ARHGEF10L: variants seen among roughly 807,000 people sequenced by gnomAD.
ARHGEF10L encodes Rho guanine nucleotide exchange factor 10 like, also known as rho guanine nucleotide exchange factor 10-like protein.
A neutral mutation model predicts 141.2 loss-of-function variants in ARHGEF10L; 69 were observed. The observed-to-expected ratio is 0.49, with a 90% CI of 0.40 to 0.60. ARHGEF10L has a LOEUF of 0.60. Ranked by LOEUF, ARHGEF10L falls within the 20% of genes least tolerant of loss-of-function variation. ARHGEF10L has a pLI of 0.00. For missense variants in ARHGEF10L, 1,482 were observed against 1,734.3 expected, an observed-to-expected ratio of 0.85 and a Z score of 2.58; for synonymous variants, 711 against 718.5, an observed-to-expected ratio of 0.99 and a Z score of 0.17.
At chr1:17,596,198 G>A (rs933691727) in intron 4 of ARHGEF10L, among the ~76,000 whole-genome samples, 2 of 152,334 alleles carry the variant, frequency 1.3e-5, no homozygotes, top group South Asian at 2.1e-4. Context: ...CTAGTGGGCC[G>A]CCAAGCCAGA....
At chr1:17,609,884 G>T (rs922724497) in intron 7 of ARHGEF10L, among the ~76,000 whole-genome samples, 1 of 152,196 alleles carries the variant, frequency 6.6e-6, no homozygotes, top group East Asian at 1.9e-4. Flanking sequence ...GGGGGCTTTG[G>T]TTATGAAGCC....
chr1:17,666,700 T>C (rs2062995926), intron 26 of ARHGEF10L, among the ~76,000 whole-genome samples: 1 of 151,738 alleles, frequency 6.6e-6, no homozygotes, highest in Non-Finnish European at 1.5e-5. Context: ...CAGCCCCTGG[T>C]TCATGCTGGG....
chr1:17,628,158 T>G (rs1316674829), intron 15 of ARHGEF10L, among the ~76,000 whole-genome samples: 1 of 151,994 alleles, frequency 6.6e-6, no homozygotes, highest in African/African-American at 2.4e-5. Flanking sequence ...GCCAACATGG[T>G]GAAACCTTGT....
At chr1:17,664,345 G>A (rs1479409077) in intron 25 of ARHGEF10L, 102 bp from the exon 26 acceptor site, 1 of 1,312,348 alleles carries the variant, frequency 7.6e-7, no homozygotes, top group Non-Finnish European at 1.0e-6. Flanking sequence ...AGCGGGGAGA[G>A]GGTGTGGGGG....
intron 15 of ARHGEF10L, among the ~76,000 whole-genome samples, chr1:17,630,612 G>A (rs115001459): frequency 0.02 from 3,110 of 152,330 alleles, 100 homozygotes; most frequent in African/African-American, 0.07. Flanking sequence ...AATGGTGAAC[G>A]TGGCCTGGCT....
chr1:17,602,090 C>A, intron 4 of ARHGEF10L, 37 bp from the exon 5 acceptor site: 1 of 1,511,354 alleles, frequency 6.6e-7, no homozygotes, highest in South Asian at 1.3e-5. Flanking sequence ...TGGGAGCCAC[C>A]TCTGGACACC....
chr1:17,648,083 G>A (rs528589359), intron 21 of ARHGEF10L, among the ~76,000 whole-genome samples: 4 of 152,294 alleles, frequency 2.6e-5, no homozygotes, highest in South Asian at 4.1e-4. Context: ...CCGCAATGGC[G>A]ACCTCCTGTC....
intron 7 of ARHGEF10L, among the ~76,000 whole-genome samples, chr1:17,610,230 G>A (rs913471525): frequency 1.3e-5 from 2 of 152,180 alleles, no homozygotes; most frequent in African/African-American, 4.8e-5. Flanking sequence ...GTTGGGTGGG[G>A]CCCGGTAATC....
intron 7 of ARHGEF10L, 29 bp downstream of exon 7, chr1:17,608,006 C>A: frequency 7.6e-7 from 1 of 1,322,124 alleles, no homozygotes; most frequent in Non-Finnish European, 9.8e-7. Flanking sequence ...TCGCTCACCT[C>A]AGTCAGGGCA....
chr1:17,544,467 GTA>G (rs1336820777), intron 1 of ARHGEF10L, among the ~76,000 whole-genome samples: 1 of 150,212 alleles, frequency 6.7e-6, no homozygotes, highest in Non-Finnish European at 1.5e-5. Flanking sequence ...GCTAATTTTT[GTA>G]TTTTTAGTAG....
intron 22 of ARHGEF10L, among the ~76,000 whole-genome samples, chr1:17,651,015 G>A (rs145865642): frequency 1.6e-4 from 24 of 152,320 alleles, no homozygotes; most frequent in African/African-American, 5.8e-4. Flanking sequence ...CCAGGATTAG[G>A]GTGAGGCAAG....
chr1:17,606,969 A>G (rs1293771672), intron 6 of ARHGEF10L, among the ~76,000 whole-genome samples: 1 of 152,178 alleles, frequency 6.6e-6, no homozygotes, highest in East Asian at 1.9e-4. Context: ...TTTTCAGTCC[A>G]AGGCATTTCC....
intron 21 of ARHGEF10L, among the ~76,000 whole-genome samples, chr1:17,641,271 G>A (rs996876941): frequency 2.0e-5 from 3 of 152,140 alleles, no homozygotes; most frequent in African/African-American, 4.8e-5. Flanking sequence ...TAGCAGGAAC[G>A]TTTTTTTATT....
intron 26 of ARHGEF10L, among the ~76,000 whole-genome samples, chr1:17,667,535 T>G (rs536382429): frequency 6.6e-6 from 1 of 152,318 alleles, no homozygotes; most frequent in East Asian, 1.9e-4. Context: ...GAGGACATTC[T>G]CTCAGTGCTG....
rs762967311 is a variant in ARHGEF10L, at chr1:17,697,402, G to A, written c.*22G>A. ...ATAGCGCCTCCCCTCTCCCCTCAGA[G>A]GGCACAGCTGCAGGCCTGACCAAGG... On this transcript the variant is annotated 3_prime_UTR_variant, in exon 29 of 29. Coordinates refer to ENST00000361221, the MANE Select transcript of ARHGEF10L (RefSeq NM_018125.4). This position sits in a 1 kb window ranked among gnomAD's most constrained non-coding sequence, Gnocchi z 4.8. 2 of 1,563,980 alleles carry A rather than the reference G, an allele frequency of 1.3e-6. No homozygotes were observed. Among genetic ancestry groups the A allele is most frequent in the East Asian group, 2.3e-5 (1 of 44,318 alleles).
rs573455374 is a variant in ARHGEF10L at position 17,563,911 on chromosome 1, AC to A, written c.-43-16641del. On this transcript the variant is annotated intron_variant, in intron 1 of 28. Transcript: ENST00000361221. ...TGAGAGCGTCTGATTGTGGGAAGAA[AC>A]AAAATGACCCAGACAACAGCTGGGT... 3.7e-3 allele frequency among the ~76,000 whole-genome samples: 558 copies of A among 152,242 alleles called. 3 individuals are homozygous for A. The highest frequency in any genetic ancestry group is 0.013 in the African/African-American group (527 of 41,554).
intron 14 of ARHGEF10L, among the ~76,000 whole-genome samples, chr1:17,626,748 C>T (rs570520633): frequency 2.6e-5 from 4 of 152,354 alleles, no homozygotes; most frequent in Admixed American, 2.0e-4. Flanking sequence ...AAACTCTGCC[C>T]ATTCAACAAC....
chr1:17,583,173 C>T (rs904078581), intron 2 of ARHGEF10L, among the ~76,000 whole-genome samples: 1 of 147,108 alleles, frequency 6.8e-6, no homozygotes, highest in African/African-American at 2.5e-5. Context: ...CCACTGCCCT[C>T]CAGCCTGGGT....
chr1:17,586,444 C>A (rs1428883479), intron 2 of ARHGEF10L, among the ~76,000 whole-genome samples: 1 of 152,144 alleles, frequency 6.6e-6, no homozygotes, highest in Non-Finnish European at 1.5e-5. Context: ...GTTGGTTTTG[C>A]AATGGTTTGC....
Sources: allele counts gnomAD v4.1 joint callset (sites outside exome capture counted in the v4.1 genomes callset), GRCh38; gene constraint gnomAD v4.1.1; non-coding constraint Gnocchi (gnomAD v3.1); transcripts MANE v1.5; gene names NCBI Gene and HGNC (gene_info 2026-07-23, HGNC 2026-07-21).